Variants in AP4S1 observed in about 807,000 individuals in gnomAD.
The protein encoded by AP4S1 is AP-4 complex subunit sigma-1.
AP4S1 carries 23 observed loss-of-function variants against 19.8 expected under a neutral mutation model. The observed-to-expected ratio is 1.16, with a 90% CI of 0.84 to 1.65. AP4S1 has a LOEUF of 1.65. Among genes scored for constraint, AP4S1 ranks in the 40% most tolerant of loss-of-function variants. The probability of loss-of-function intolerance (pLI) is 0.00; values close to 1 mark genes in which losing one functional copy is unlikely to be tolerated. For synonymous variants in AP4S1, 46 were observed against 54.1 expected (o/e 0.85, Z 0.66); for missense variants, 166 against 172.8 (o/e 0.96, Z 0.22).
At chr14:31,034,712 G>A (rs1884620241) in intron 1 of AP4S1, among the ~76,000 whole-genome samples, 1 of 150,764 alleles carries the variant, frequency 6.6e-6, no homozygotes, top group African/African-American at 2.4e-5. Context: ...CCGCCTCCCG[G>A]GTTCAAGCTA....
chr14:31,067,878 T>A (rs1379333622), intron 2 of AP4S1, among the ~76,000 whole-genome samples: 2 of 148,244 alleles, frequency 1.3e-5, no homozygotes, highest in Non-Finnish European at 3.0e-5. Context: ...AACACAATAT[T>A]TTTTTTTTTT....
chr14:31,068,338 T>C (rs1297976545), intron 2 of AP4S1, among the ~76,000 whole-genome samples: 1 of 152,266 alleles, frequency 6.6e-6, no homozygotes, highest in African/African-American at 2.4e-5. Flanking sequence ...GGGCTGCCTG[T>C]GAGCACCAGT....
At chr14:31,035,234 C>T (rs893927915) in intron 1 of AP4S1, among the ~76,000 whole-genome samples, 8 of 116,310 alleles carry the variant, frequency 6.9e-5, no homozygotes, top group South Asian at 2.9e-4. Flanking sequence ...CTAGCTCTAT[C>T]GCCAGGCTGG....
chr14:31,053,690 C>CCTCTCAAG (rs1186330349), intron 1 of AP4S1, among the ~76,000 whole-genome samples: 1 of 141,718 alleles, frequency 7.1e-6, no homozygotes, highest in Non-Finnish European at 1.5e-5. Flanking sequence ...CCTGCCTCAA[C>CCTCTCAAG]CTCTCAAGTG....
intron 1 of AP4S1, among the ~76,000 whole-genome samples, chr14:31,027,851 C>T (rs925390895): frequency 6.6e-6 from 1 of 151,992 alleles, no homozygotes; most frequent in Non-Finnish European, 1.5e-5. Context: ...TAATTAACAA[C>T]ATAAGGAAAT....
chr14:31,037,211 C>T (rs1381710432), intron 1 of AP4S1, among the ~76,000 whole-genome samples: 1 of 152,062 alleles, frequency 6.6e-6, no homozygotes, highest in Non-Finnish European at 1.5e-5. Flanking sequence ...CAACCTCTCC[C>T]TCCCACCCTG....
intron 1 of AP4S1, among the ~76,000 whole-genome samples, chr14:31,044,426 C>G (rs2139462278): frequency 6.6e-6 from 1 of 152,240 alleles, no homozygotes; most frequent in East Asian, 1.9e-4. Flanking sequence ...ACTGCAGCCT[C>G]AGTCTCCTGG....
At chr14:31,064,204 G>A (rs1047786332) in intron 1 of AP4S1, among the ~76,000 whole-genome samples, 4 of 152,100 alleles carry the variant, frequency 2.6e-5, no homozygotes, top group South Asian at 2.1e-4. Flanking sequence ...CCTTTGAACC[G>A]CAGCCCACCT....
intron 5 of AP4S1, chr14:31,083,476 A>G (rs1232146377): frequency 2.5e-6 from 1 of 402,304 alleles, no homozygotes; most frequent in East Asian, 7.7e-5. Context: ...GGCATGTGGC[A>G]CCTCTTTTCT....
rs1295067454 is a variant in AP4S1 at position 31,084,972 on chromosome 14, G to T, written c.306+4388G>T. 1.9e-6 allele frequency: 3 copies of T among 1,588,118 alleles called. No homozygotes were observed. In the South Asian group the frequency reaches 3.4e-5, roughly 18 times the overall value. On this transcript the variant is annotated intron_variant, in intron 5 of 5. Transcript: ENST00000542754. ...AGTGCGTACCTGCTCTACGCGTGAA[G>T]GTACAGAAAACCTCCACGGCCTTTT... is the stretch of plus-strand genomic sequence containing the variant.
chr14:31,079,104 C>T (rs1887506703), intron 4 of AP4S1, among the ~76,000 whole-genome samples: 1 of 152,110 alleles, frequency 6.6e-6, no homozygotes, highest in African/African-American at 2.4e-5. Context: ...GCAGCTTTGC[C>T]AGAGGTGAGG....
At chr14:31,052,996 A>G (rs1885890797) in intron 1 of AP4S1, among the ~76,000 whole-genome samples, 2 of 138,192 alleles carry the variant, frequency 1.4e-5, no homozygotes, top group Non-Finnish European at 3.0e-5. Flanking sequence ...GCTGGAGTGC[A>G]ATGGCACGGT....
intron 1 of AP4S1, among the ~76,000 whole-genome samples, chr14:31,062,383 G>A (rs560619527): frequency 2.6e-5 from 4 of 152,256 alleles, no homozygotes; most frequent in Admixed American, 1.3e-4. Flanking sequence ...ACAGGCATGA[G>A]CCACTGCACC....
At chr14:31,045,781 T>C (rs1885361477) in intron 1 of AP4S1, among the ~76,000 whole-genome samples, 1 of 152,084 alleles carries the variant, frequency 6.6e-6, no homozygotes, top group Non-Finnish European at 1.5e-5. Context: ...GGTGTGTCTT[T>C]TGTTATTCAC....
intron 3 of AP4S1, among the ~76,000 whole-genome samples, chr14:31,071,507 G>A (rs1886999434): frequency 6.6e-6 from 1 of 152,112 alleles, no homozygotes; most frequent in Admixed American, 6.5e-5. Context: ...TGCAACCCCT[G>A]CCTCCTGGGT....
Position 31,058,517 on chromosome 14 carries a change from CTGTGTGTGTATGTG to C in AP4S1, c.-71-7599_-71-7586del, listed in dbSNP as rs1250251600. On this transcript the variant is annotated intron_variant, in intron 1 of 5. Coordinates refer to ENST00000542754, the MANE Select transcript of AP4S1 (RefSeq NM_001128126.3). Reference sequence around the variant, plus strand: ...GGTCATCAAAACATCTTCCCCATCTCTGTGTGTGTATGTGTGTGTGTGTGTGTGTGTGTGTGTGT... The same window carrying C: ...GGTCATCAAAACATCTTCCCCATCTCTGTGTGTGTGTGTGTGTGTGTGTGT... Among the ~76,000 whole-genome samples, 346 of 139,456 alleles carry C rather than the reference CTGTGTGTGTATGTG, an allele frequency of 2.5e-3. 3 individuals are homozygous for C. The highest frequency in any genetic ancestry group is 8.2e-3 in the African/African-American group (306 of 37,214). 91.5% of individuals were successfully genotyped at this position (139,456 alleles called of 152,430 possible). A position where few individuals can be genotyped will look rare whatever the true frequency, so the allele number is the denominator to read the frequency against.
At chr14:31,043,898 T>G (rs1360054093) in intron 1 of AP4S1, among the ~76,000 whole-genome samples, 1 of 152,146 alleles carries the variant, frequency 6.6e-6, no homozygotes, top group East Asian at 1.9e-4. Context: ...TTTCCATATT[T>G]CCTGAGTTTA....
At chr14:31,049,412 T>TAA (rs1566520408) in intron 1 of AP4S1, among the ~76,000 whole-genome samples, 1 of 40,362 alleles carries the variant, frequency 2.5e-5, no homozygotes, top group Non-Finnish European at 4.5e-5. Context: ...AGACTCGGTC[T>TAA]CAAAAAAAAA....
chr14:31,056,131 C>T (rs1886101239), intron 1 of AP4S1, among the ~76,000 whole-genome samples: 1 of 151,972 alleles, frequency 6.6e-6, no homozygotes, highest in South Asian at 2.1e-4. Context: ...AGGCATGAGC[C>T]ACTGTGCCCG....
Sources: gnomAD v4.1 joint callset for allele counts (sites outside exome capture counted in the v4.1 genomes callset) on GRCh38, gnomAD v4.1.1 for gene constraint, MANE v1.5 for transcripts, NCBI Gene and HGNC (gene_info 2026-07-23, HGNC 2026-07-21) for gene names.